Variants in WDR44 observed in about 807,000 individuals in gnomAD.
WDR44 encodes the protein WD repeat-containing protein 44.
In WDR44, 9 loss-of-function variants were observed where a neutral mutation model predicts 65.7. The ratio of observed to expected loss-of-function variants is 0.14; its 90% CI spans 0.08 to 0.24. WDR44 has a LOEUF of 0.24. Among genes scored for constraint, WDR44 ranks in the 10% least tolerant of loss-of-function variants. WDR44 has a pLI of 1.00. For missense variants in WDR44, 425 were observed against 670.9 expected, an observed-to-expected ratio of 0.63 and a Z score of 4.05; for synonymous variants, 220 against 235.2, an observed-to-expected ratio of 0.94 and a Z score of 0.59.
intron 1 of WDR44, among the ~76,000 whole-genome samples, chrX:118,351,936 C>T (rs776428922): frequency 1.7e-4 from 17 of 101,300 alleles, no homozygotes; most frequent in South Asian, 4.6e-4. Flanking sequence ...AGCAAGACTC[C>T]GTCTCAAAAA....
Position 118,392,725 on chromosome X carries a change from A to G in WDR44, c.280A>G (p.Thr94Ala). Reference sequence around the variant, plus strand: ...AGGAAAAGAACTCTCTGATCAAGCTACTGCCAGTCCTATTGTGGCTAGAAC... The same window carrying G: ...AGGAAAAGAACTCTCTGATCAAGCTGCTGCCAGTCCTATTGTGGCTAGAAC... Reference protein sequence around the residue: ...SKGKELSDQATASPIVARTDL... With the variant: ...SKGKELSDQAAASPIVARTDL... Residue 94 changes from threonine (T) to alanine (A), a missense_variant, in exon 4 of 20, where the codon ACT becomes GCT. Transcript: ENST00000254029. The G allele has an allele frequency of 8.3e-7, 1 of 1,212,030 alleles. No homozygotes were observed. The highest frequency in any genetic ancestry group is 1.1e-6 in the Non-Finnish European group (1 of 895,494).
chrX:118,404,352 A>G lies in WDR44; in HGVS notation c.1289A>G (p.Lys430Arg). The G allele has an allele frequency of 8.3e-7, 1 of 1,201,808 alleles. No individual in the cohort carries two copies. Among genetic ancestry groups the G allele is most frequent in the African/African-American group, 1.7e-5 (1 of 57,534 alleles). ...TTTTTGTTAAGGACTCAACTAAAGAAGTTTCTTGGAAAATCAGTAAAGAGA... is the reference window on the plus strand; with the variant it reads ...TTTTTGTTAAGGACTCAACTAAAGAGGTTTCTTGGAAAATCAGTAAAGAGA... ...RLKQKTTQLK[K>R]FLGKSVKRAK... The change falls in exon 9 of 20, where the codon AAG (lysine) becomes AGG (arginine). Residue 430 changes from lysine to arginine, a missense_variant. Transcript: ENST00000254029.
At chrX:118,435,894 G>A (rs1273839707) in intron 13 of WDR44, among the ~76,000 whole-genome samples, 3 of 112,115 alleles carry the variant, frequency 2.7e-5, no homozygotes, top group Non-Finnish European at 5.6e-5. Context: ...TTAACACATC[G>A]TAAGTATGCG....
chrX:118,437,293 A>G (rs1282892322), intron 14 of WDR44, among the ~76,000 whole-genome samples: 2 of 112,255 alleles, frequency 1.8e-5, no homozygotes, highest in African/African-American at 6.5e-5. Flanking sequence ...TTCAGTATAG[A>G]AAATCCTTTC....
chrX:118,381,219 A>G (rs2056712691), intron 2 of WDR44, among the ~76,000 whole-genome samples: 1 of 112,046 alleles, frequency 8.9e-6, no homozygotes, highest in South Asian at 3.7e-4. Flanking sequence ...TTGTAATCCC[A>G]GCACTTTGGG....
chrX:118,427,768 G>T (rs2057171274), intron 12 of WDR44, among the ~76,000 whole-genome samples: 1 of 104,738 alleles, frequency 9.5e-6, no homozygotes. Flanking sequence ...TCTGCCTCCT[G>T]GGTTCACGCT....
chrX:118,387,892 C>A (rs1394629531), intron 3 of WDR44, among the ~76,000 whole-genome samples: 1 of 111,807 alleles, frequency 8.9e-6, no homozygotes, highest in Non-Finnish European at 1.9e-5. Context: ...GGGCAGTTTA[C>A]AGTATCAGGA....
intron 12 of WDR44, among the ~76,000 whole-genome samples, chrX:118,417,142 T>C (rs2057064611): frequency 8.9e-6 from 1 of 112,108 alleles, no homozygotes; most frequent in South Asian, 3.7e-4. Context: ...CTCTGTATCT[T>C]TTAACTGGAG....
At chrX:118,416,780 T>G (rs763925270) in intron 12 of WDR44, among the ~76,000 whole-genome samples, 1 of 111,884 alleles carries the variant, frequency 8.9e-6, no homozygotes, top group African/African-American at 3.2e-5. Context: ...GTGCTGTCAG[T>G]GGAGTATTGA....
chrX:118,363,296 G>A (rs1255964644), intron 1 of WDR44, among the ~76,000 whole-genome samples: 1 of 105,920 alleles, frequency 9.4e-6, no homozygotes, highest in African/African-American at 3.5e-5. Context: ...CAGCTACTTC[G>A]GAGGCTGAGG....
At chrX:118,351,671 C>T (rs919700165) in intron 1 of WDR44, among the ~76,000 whole-genome samples, 15 of 111,592 alleles carry the variant, frequency 1.3e-4, no homozygotes, top group Non-Finnish European at 2.8e-4. Flanking sequence ...GACATCCGGC[C>T]GGGCACCATG....
intron 14 of WDR44, among the ~76,000 whole-genome samples, chrX:118,439,828 G>A (rs1190561437): frequency 1.8e-5 from 2 of 108,502 alleles, no homozygotes; most frequent in African/African-American, 6.7e-5. Context: ...AAAAGAAGAA[G>A]AAGAATCTTG....
Position 118,409,516 on chromosome X carries a change from C to T in WDR44, c.1561C>T (p.His521Tyr). The change falls in exon 11 of 20, where the codon CAC becomes TAC. Residue 521 changes from histidine (H) to tyrosine (Y), a missense_variant. By Grantham distance (83) the His-to-Tyr change is moderately conservative. This residue lies in a region of WDR44 where 77 missense variants were observed against 183.5 expected (regional missense o/e 0.42). Transcript: ENST00000254029. ...MGAVWTMKFSHCGRLLASAGQ... is the reference protein window; with the variant it reads ...MGAVWTMKFSYCGRLLASAGQ... ...AGCTGTTTGGACCATGAAATTTTCT[C>T]ACTGTGGCCGATTACTTGCCTCAGC... The T allele has an allele frequency of 2.5e-6, 3 of 1,210,178 alleles. No homozygotes were observed. The highest frequency in any genetic ancestry group is 3.4e-6 in the Non-Finnish European group (3 of 894,881).
At chrX:118,394,217 C>CT in intron 5 of WDR44, 32 bp downstream of exon 5, 1 of 1,201,913 alleles carries the variant, frequency 8.3e-7, no homozygotes, top group Non-Finnish European at 1.1e-6. Flanking sequence ...TTCATATAGA[C>CT]TTTATCAGCT....
chrX:118,346,246 T>C lies in WDR44; in HGVS notation c.-258T>C, dbSNP rs1260608326. On this transcript the variant is annotated 5_prime_UTR_variant, in exon 1 of 20. Coordinates refer to ENST00000254029, the MANE Select transcript of WDR44 (RefSeq NM_019045.5). ...TTCGCGCTCCTTATACACCTATCAC[T>C]GGGAGCGGTGGCAGCAACATTCCCT... is the stretch of plus-strand genomic sequence containing the variant. 2 of 390,886 alleles carry C rather than the reference T, an allele frequency of 5.1e-6. No homozygotes were observed. Among genetic ancestry groups the C allele is most frequent in the Non-Finnish European group, 4.4e-6 (1 of 226,728 alleles). 32.2% of individuals were successfully genotyped at this position (390,886 alleles called of 1,213,427 possible). A position where few individuals can be genotyped will look rare whatever the true frequency, so the allele number is the denominator to read the frequency against.
intron 14 of WDR44, among the ~76,000 whole-genome samples, chrX:118,439,472 A>G (rs1265548521): frequency 9.1e-6 from 1 of 110,068 alleles, no homozygotes; most frequent in Non-Finnish European, 1.9e-5. Flanking sequence ...GCTACTCAGG[A>G]GGCTGAGGCA....
At chrX:118,387,201 A>G (rs1046477584) in intron 2 of WDR44, 139 bp from the exon 3 acceptor site, 432 of 319,162 alleles carry the variant, frequency 1.4e-3, no homozygotes, top group African/African-American at 9.1e-3. Flanking sequence ...AAAAAAAAAA[A>G]AAGAAGAAGA....
intron 12 of WDR44, among the ~76,000 whole-genome samples, chrX:118,420,758 G>A (rs965982440): frequency 1.8e-5 from 2 of 112,467 alleles, no homozygotes; most frequent in African/African-American, 3.2e-5. Context: ...ACAGGGCAAA[G>A]CCCTACTTAT....
chrX:118,407,743 T>A (rs2056980429), intron 10 of WDR44, among the ~76,000 whole-genome samples: 1 of 112,305 alleles, frequency 8.9e-6, no homozygotes, highest in Non-Finnish European at 1.9e-5. Flanking sequence ...AAAGTTCAAG[T>A]TCTCCTTTAG....
Sources: gnomAD v4.1 joint callset for allele counts (sites outside exome capture counted in the v4.1 genomes callset) on GRCh38, gnomAD v4.1.1 for gene constraint, gnomAD v4.1.1 regional missense constraint, MANE v1.5 for transcripts, NCBI Gene and HGNC (gene_info 2026-07-23, HGNC 2026-07-21) for gene names.